Variants in CHCHD3 observed in about 807,000 individuals in gnomAD.
CHCHD3 encodes the protein MICOS complex subunit MIC19.
CHCHD3 carries 20 observed loss-of-function variants against 38.2 expected under a neutral mutation model. The observed-to-expected ratio is 0.52, with a 90% CI of 0.37 to 0.76. The LOEUF is 0.76. Ranked by LOEUF, CHCHD3 falls within the 30% of genes least tolerant of loss-of-function variation. The pLI is 0.00. For missense variants in CHCHD3, 245 were observed against 279.2 expected (o/e 0.88, Z 0.87); for synonymous variants, 82 against 100.0 (o/e 0.82, Z 1.07).
At chr7:132,913,223 C>T (rs990676425) in intron 4 of CHCHD3, among the ~76,000 whole-genome samples, 4 of 152,194 alleles carry the variant, frequency 2.6e-5, no homozygotes, top group African/African-American at 9.6e-5. Flanking sequence ...GTCCAACAAC[C>T]TCTGGAAACT....
chr7:132,913,610 T>A (rs1562905911), intron 4 of CHCHD3, among the ~76,000 whole-genome samples: 1 of 152,176 alleles, frequency 6.6e-6, no homozygotes, highest in African/African-American at 2.4e-5. Context: ...AATATCCACA[T>A]CCTGCAACAG....
intron 6 of CHCHD3, among the ~76,000 whole-genome samples, chr7:132,828,131 A>G (rs1177754192): frequency 6.6e-6 from 1 of 152,180 alleles, no homozygotes. Context: ...TTGGGTAAAT[A>G]CCTAGGACTA....
intron 6 of CHCHD3, among the ~76,000 whole-genome samples, chr7:132,799,139 G>A (rs983457800): frequency 2.0e-5 from 3 of 152,052 alleles, no homozygotes; most frequent in East Asian, 1.9e-4. Context: ...ATGGAAATCA[G>A]CATAATTGTC....
At position 132,941,147 on chromosome 7, in the gene CHCHD3, G is replaced by T. The variant is rs142023288; in HGVS notation, c.369+34022C>A. 8.7e-3 allele frequency among the ~76,000 whole-genome samples: 1,321 copies of T among 152,244 alleles called. 16 individuals are homozygous for T. Among genetic ancestry groups the T allele is most frequent in the Middle Eastern group, 0.037 (11 of 294 alleles). On this transcript the variant is annotated intron_variant, in intron 4 of 7. Coordinates refer to ENST00000262570, the MANE Select transcript of CHCHD3 (RefSeq NM_017812.4). ...GGTTATGGTGAGGCAACAGTTCTTT[G>T]CATTTCTCTCCTCAAATTTGAGACT...
chr7:132,984,814 C>T (rs1216373114), intron 3 of CHCHD3, among the ~76,000 whole-genome samples: 4 of 136,022 alleles, frequency 2.9e-5, no homozygotes, highest in African/African-American at 1.1e-4. Context: ...AAGTGAGGAG[C>T]GTCTCCGCCC....
At chr7:132,918,298 G>A (rs1810168825) in intron 4 of CHCHD3, among the ~76,000 whole-genome samples, 2 of 152,224 alleles carry the variant, frequency 1.3e-5, no homozygotes, top group East Asian at 3.9e-4. Flanking sequence ...GACTTCATGG[G>A]CTACCCAGGC....
intron 3 of CHCHD3, among the ~76,000 whole-genome samples, chr7:132,998,722 A>C (rs967041172): frequency 6.6e-6 from 1 of 152,176 alleles, no homozygotes; most frequent in African/African-American, 2.4e-5. Context: ...TAAAGTAGCA[A>C]GTTCAGATCA....
chr7:132,844,527 C>T (rs1462033261), intron 5 of CHCHD3, among the ~76,000 whole-genome samples: 3 of 152,168 alleles, frequency 2.0e-5, no homozygotes, highest in Non-Finnish European at 2.9e-5. Flanking sequence ...TCCAATGGTA[C>T]GGTTAATGTA....
intron 2 of CHCHD3, among the ~76,000 whole-genome samples, chr7:133,059,175 A>G (rs1035556680): frequency 3.3e-5 from 5 of 152,230 alleles, no homozygotes; most frequent in Non-Finnish European, 7.3e-5. Context: ...AGCTGAGATC[A>G]GACACGAGAA....
rs558859380 is a variant in CHCHD3, at chr7:132,945,958, C to T, written c.369+29211G>A. On this transcript the variant is annotated intron_variant, in intron 4 of 7. Transcript: ENST00000262570. Reference sequence around the variant, plus strand: ...GCAGAGTTACAAAAGTTCAGATAAACATTTTTATTGAAAATGATAACCAGA... The same window carrying T: ...GCAGAGTTACAAAAGTTCAGATAAATATTTTTATTGAAAATGATAACCAGA... 1.6e-4 allele frequency among the ~76,000 whole-genome samples: 24 copies of T among 151,972 alleles called. 3 individuals carry two copies. The highest frequency in any genetic ancestry group is 5.8e-4 in the African/African-American group (24 of 41,558).
At chr7:132,871,115 C>T (rs1808758035) in intron 5 of CHCHD3, among the ~76,000 whole-genome samples, 1 of 152,094 alleles carries the variant, frequency 6.6e-6, no homozygotes, top group Admixed American at 6.6e-5. Flanking sequence ...GAGGAATATT[C>T]GTTCAAAACT....
intron 4 of CHCHD3, among the ~76,000 whole-genome samples, chr7:132,919,927 A>G (rs1215650526): frequency 6.6e-6 from 1 of 152,198 alleles, no homozygotes; most frequent in Non-Finnish European, 1.5e-5. Context: ...CCATGGATTT[A>G]CATGTTACAC....
intron 2 of CHCHD3, among the ~76,000 whole-genome samples, chr7:133,034,314 G>C (rs940102972): frequency 1.3e-5 from 2 of 152,112 alleles, no homozygotes; most frequent in Non-Finnish European, 2.9e-5. Context: ...AATTAAGGAA[G>C]TGAGGGTATA....
intron 6 of CHCHD3, among the ~76,000 whole-genome samples, chr7:132,804,270 C>T (rs1463556713): frequency 2.6e-5 from 4 of 152,166 alleles, no homozygotes; most frequent in Non-Finnish European, 5.9e-5. Flanking sequence ...TTTCCTCAAT[C>T]TATTATAATA....
intron 6 of CHCHD3, among the ~76,000 whole-genome samples, chr7:132,835,759 C>T (rs953480703): frequency 6.6e-6 from 1 of 152,116 alleles, no homozygotes; most frequent in African/African-American, 2.4e-5. Flanking sequence ...TTCCTAAGCC[C>T]ACTGCTCAGT....
At chr7:132,863,921 C>T (rs1808551863) in intron 5 of CHCHD3, among the ~76,000 whole-genome samples, 1 of 152,220 alleles carries the variant, frequency 6.6e-6, no homozygotes. Flanking sequence ...CTAGATTAGG[C>T]TGTGGCTTAA....
chr7:132,872,175 T>A (rs992553112), intron 5 of CHCHD3, among the ~76,000 whole-genome samples: 6 of 152,186 alleles, frequency 3.9e-5, no homozygotes, highest in Non-Finnish European at 8.8e-5. Flanking sequence ...GAAGTTCAAA[T>A]AGTTCTAGGA....
chr7:132,991,768 T>G (rs928263035), intron 3 of CHCHD3, among the ~76,000 whole-genome samples: 15 of 152,180 alleles, frequency 9.9e-5, no homozygotes, highest in African/African-American at 3.1e-4. Flanking sequence ...CTCAAGGATT[T>G]TTCTTCAATT....
At chr7:132,906,031 T>G (rs1032322453) in intron 4 of CHCHD3, among the ~76,000 whole-genome samples, 1 of 152,062 alleles carries the variant, frequency 6.6e-6, no homozygotes, top group Admixed American at 6.5e-5. Flanking sequence ...GCAAAGAGAG[T>G]GGATGTTAAC....
Sources: allele counts gnomAD v4.1 joint callset (sites outside exome capture counted in the v4.1 genomes callset), GRCh38; gene constraint gnomAD v4.1.1; transcripts MANE v1.5; gene names NCBI Gene and HGNC (gene_info 2026-07-23, HGNC 2026-07-21).